Variants in LEPR observed in about 807,000 individuals in gnomAD.
LEPR encodes the protein OB receptor.
LEPR carries 56 observed loss-of-function variants against 114.7 expected under a neutral mutation model. The observed-to-expected ratio is 0.49, with a 90% CI of 0.39 to 0.61. LEPR has a LOEUF of 0.61. Ranked by LOEUF, LEPR falls within the 20% of genes least tolerant of loss-of-function variation. LEPR has a pLI of 0.00. For synonymous variants in LEPR, 443 were observed against 461.4 expected (o/e 0.96, Z 0.51); for missense variants, 1,202 against 1,352.9 (o/e 0.89, Z 1.75).
intron 2 of LEPR, among the ~76,000 whole-genome samples, chr1:65,513,388 T>A (rs1649121973): frequency 6.6e-6 from 1 of 152,246 alleles, no homozygotes; most frequent in Non-Finnish European, 1.5e-5. Flanking sequence ...TAATGTCACA[T>A]TGATATGATC....
At chr1:65,500,462 A>G (rs1319399727) in intron 2 of LEPR, among the ~76,000 whole-genome samples, 2 of 152,140 alleles carry the variant, frequency 1.3e-5, no homozygotes, top group African/African-American at 2.4e-5. Context: ...TTTCCTCTGC[A>G]TCTGTCACCC....
At chr1:65,553,140 C>T (rs1034290961) in intron 2 of LEPR, among the ~76,000 whole-genome samples, 14 of 152,132 alleles carry the variant, frequency 9.2e-5, no homozygotes, top group African/African-American at 3.4e-4. Context: ...TCTCTGGCTG[C>T]CCTTGACGTT....
rs373801914 is a variant in LEPR at position 65,576,873 on chromosome 1, A to G, written c.494+4424A>G. The G allele has an allele frequency of 1.8e-5, 6 of 327,826 alleles. No individual in the cohort carries two copies. In the East Asian group the frequency reaches 2.7e-4, roughly 15 times the overall value. 20.3% of individuals were successfully genotyped at this position (327,826 alleles called of 1,614,324 possible). On this transcript the variant is annotated intron_variant, in intron 5 of 19. Coordinates refer to ENST00000349533, the MANE Select transcript of LEPR (RefSeq NM_002303.6). ...TCCACACACCCAGATCTGAAATGTTATTTCCAAGTTTTCTCCTCTCCAGAT... is the reference window on the plus strand; with the variant it reads ...TCCACACACCCAGATCTGAAATGTTGTTTCCAAGTTTTCTCCTCTCCAGAT...
intron 1 of LEPR, chr1:65,421,426 G>A (rs1443979238): frequency 6.5e-6 from 10 of 1,535,952 alleles, no homozygotes; most frequent in Non-Finnish European, 8.7e-6. Context: ...AATGCGAGAC[G>A]GAAAAGGTTT....
intron 2 of LEPR, among the ~76,000 whole-genome samples, chr1:65,522,194 G>C (rs1649669965): frequency 6.6e-6 from 1 of 152,084 alleles, no homozygotes; most frequent in African/African-American, 2.4e-5. Flanking sequence ...TATTGTAGTG[G>C]ATATATGTGC....
At chr1:65,483,032 A>T (rs1393007327) in intron 2 of LEPR, among the ~76,000 whole-genome samples, 2 of 151,988 alleles carry the variant, frequency 1.3e-5, no homozygotes, top group Non-Finnish European at 2.9e-5. Flanking sequence ...AAGTCTACAA[A>T]GGGAGTATCT....
At position 65,637,008 on chromosome 1, in the gene LEPR, C is replaced by G. The variant is rs1214494808; in HGVS notation, c.3491C>G (p.Thr1164Ser). The G allele has an allele frequency of 1.9e-6, 3 of 1,613,154 alleles. No homozygotes were observed. The highest frequency in any genetic ancestry group is 1.6e-4 in the Middle Eastern group (1 of 6,080). ...ATGGAAAACAAGATGTGTGACCTAA[C>G]TGTGTAATTTCACTGAAGAAACCTT... ...KIMENKMCDLTV is the reference protein window; with the variant it reads ...KIMENKMCDLSV The change falls in exon 20 of 20, where the codon ACT becomes AGT. Residue 1164 changes from threonine (T) to serine (S), a missense_variant. By Grantham distance (58) the Thr-to-Ser change is moderately conservative. Transcript: ENST00000349533.
Position 65,596,488 on chromosome 1 carries a change from A to G in LEPR, c.744A>G (p.Thr248=). 1.1e-5 allele frequency: 17 copies of G among 1,612,934 alleles called. No individual in the cohort carries two copies. Among genetic ancestry groups the G allele is most frequent in the Non-Finnish European group, 1.4e-5 (17 of 1,179,246 alleles). ...CATTAGGTTTGCATATGGAAATCAC[A>G]GATGATGGTAATTTAAAGATTTCTT... ...DPPLGLHMEI[T]DDGNLKISWS... The change falls in exon 7 of 20, where the codon ACA becomes ACG. Residue 248 remains threonine, a synonymous_variant. Coordinates refer to ENST00000349533, the MANE Select transcript of LEPR (RefSeq NM_002303.6).
Position 65,600,291 on chromosome 1 carries a change from C to T in LEPR, c.995-1101C>T, listed in dbSNP as rs147501337. Among the ~76,000 whole-genome samples, 47 of 152,114 alleles carry T rather than the reference C, an allele frequency of 3.1e-4. No individual in the cohort carries two copies. In the East Asian group the frequency reaches 5.2e-3, roughly 17 times the overall value. ...CCTCGGCTAGGATTATACTCAGTCA[C>T]GCTCATAAATCTAATGGTCTGGCTC... On this transcript the variant is annotated intron_variant, in intron 8 of 19. Coordinates refer to ENST00000349533, the MANE Select transcript of LEPR (RefSeq NM_002303.6).
At position 65,598,640 on chromosome 1, in the gene LEPR, T is replaced by C; in HGVS notation, c.850-20T>C. The C allele has an allele frequency of 1.2e-6, 2 of 1,612,172 alleles. No homozygotes were observed. Among genetic ancestry groups the C allele is most frequent in the Admixed American group, 3.3e-5 (2 of 59,866 alleles). On this transcript the variant is annotated intron_variant, in intron 7 of 19. Coordinates refer to ENST00000349533, the MANE Select transcript of LEPR (RefSeq NM_002303.6). ...CCACATCAACTTGATGTTCTGATGTTTTAATATAATATTTAACAGGCTGAC... is the reference window on the plus strand; with the variant it reads ...CCACATCAACTTGATGTTCTGATGTCTTAATATAATATTTAACAGGCTGAC...
At chr1:65,425,426 C>A in intron 2 of LEPR, 48 bp downstream of exon 2, 1 of 1,518,154 alleles carries the variant, frequency 6.6e-7, no homozygotes, top group Non-Finnish European at 9.0e-7. Flanking sequence ...GTGTCTTTGT[C>A]ACTATTAGTA....
rs1315714719 is a variant in LEPR at position 65,641,419 on chromosome 1, T to C, written c.*4404T>C. The C allele has an allele frequency of 6.6e-6, 1 of 152,250 alleles. No individual in the cohort carries two copies. Among genetic ancestry groups the C allele is most frequent in the Non-Finnish European group, 1.5e-5 (1 of 68,036 alleles). The allele number at this position is 152,250 out of a possible 1,614,324, so 9.4% of individuals were successfully genotyped here. Reference sequence around the variant, plus strand: ...AAGTGCCAAGATATGCATCACTAACTGTTCTATGAAATTTGTCTACTTCTC... The same window carrying C: ...AAGTGCCAAGATATGCATCACTAACCGTTCTATGAAATTTGTCTACTTCTC... On this transcript the variant is annotated 3_prime_UTR_variant, in exon 20 of 20. Transcript: ENST00000349533.
chr1:65,555,757 G>A (rs958910881), intron 2 of LEPR, among the ~76,000 whole-genome samples: 6 of 152,084 alleles, frequency 3.9e-5, no homozygotes, highest in Non-Finnish European at 7.3e-5. Context: ...ATTCATTTTT[G>A]TTGTGAGAGT....
chr1:65,621,729 G>A (rs1358896196), intron 18 of LEPR, among the ~76,000 whole-genome samples: 2 of 152,168 alleles, frequency 1.3e-5, no homozygotes, highest in African/African-American at 4.8e-5. Flanking sequence ...AAACCTGAGG[G>A]GCTTCTGGCC....
At chr1:65,570,089 A>G (rs1654050497) in intron 3 of LEPR, among the ~76,000 whole-genome samples, 1 of 152,204 alleles carries the variant, frequency 6.6e-6, no homozygotes, top group African/African-American at 2.4e-5. Context: ...ATATTTATTT[A>G]TCATTTATAC....
intron 2 of LEPR, among the ~76,000 whole-genome samples, chr1:65,528,140 A>T (rs1196205740): frequency 1.4e-5 from 2 of 143,320 alleles, no homozygotes; most frequent in African/African-American, 5.2e-5. Flanking sequence ...AGGTCTTGGA[A>T]ATAAATACTA....
intron 5 of LEPR, among the ~76,000 whole-genome samples, chr1:65,587,496 T>C (rs1655388377): frequency 6.6e-6 from 1 of 152,086 alleles, no homozygotes. Context: ...TTATTGTCTT[T>C]GATATTCACA....
chr1:65,578,941 A>C (rs1468361991), intron 5 of LEPR, among the ~76,000 whole-genome samples: 1 of 152,202 alleles, frequency 6.6e-6, no homozygotes, highest in African/African-American at 2.4e-5. Flanking sequence ...GGAGGAACCC[A>C]GATATAGTGC....
Position 65,471,433 on chromosome 1 carries a change from A to G in LEPR, c.-21+46055A>G, listed in dbSNP as rs116357223. Among the ~76,000 whole-genome samples, 839 of 152,330 alleles carry G rather than the reference A, an allele frequency of 5.5e-3. 8 individuals carry two copies. Among genetic ancestry groups the G allele is most frequent in the African/African-American group, 0.019 (795 of 41,576 alleles). ...ATGTTGAGATAATTTGTACTTTCCC[A>G]AAACATTATCTTGATAACATTATAG... On this transcript the variant is annotated intron_variant, in intron 2 of 19. Transcript: ENST00000349533.
Sources: allele counts gnomAD v4.1 joint callset (sites outside exome capture counted in the v4.1 genomes callset), GRCh38; gene constraint gnomAD v4.1.1; transcripts MANE v1.5; gene names NCBI Gene and HGNC (gene_info 2026-07-23, HGNC 2026-07-21).